The following LRP6 variants were observed in gnomAD, a reference collection of about 807,000 sequenced individuals.
LRP6 encodes the protein LDL receptor related protein 6, also known as low-density lipoprotein receptor-related protein 6.
In LRP6, 43 loss-of-function variants were observed where a neutral mutation model predicts 184.1. The observed-to-expected ratio is 0.23, with a 90% CI of 0.18 to 0.30. The LOEUF (loss-of-function observed/expected upper bound fraction) is 0.30, where lower values mean the gene tolerates loss of function less well. Among genes scored for constraint, LRP6 ranks in the 10% least tolerant of loss-of-function variants. The pLI is 1.00. For missense variants in LRP6, 1,571 were observed against 2,005.3 expected, an observed-to-expected ratio of 0.78 and a Z score of 4.14; for synonymous variants, 719 against 684.9, an observed-to-expected ratio of 1.05 and a Z score of -0.78.
At chr12:12,137,304 T>C (rs182649442) in intron 16 of LRP6, among the ~76,000 whole-genome samples, 1 of 152,274 alleles carries the variant, frequency 6.6e-6, no homozygotes, top group Non-Finnish European at 1.5e-5. Context: ...TTAAAAAACG[T>C]TTTGCATATA....
chr12:12,259,536 GAA>G (rs1306339556), intron 1 of LRP6, among the ~76,000 whole-genome samples: 27 of 152,004 alleles, frequency 1.8e-4, no homozygotes, highest in South Asian at 1.7e-3. Context: ...AATTTTCACC[GAA>G]GAGTCCAAGC....
intron 2 of LRP6, among the ~76,000 whole-genome samples, chr12:12,239,555 C>T (rs1429606578): frequency 6.6e-6 from 1 of 152,076 alleles, no homozygotes; most frequent in African/African-American, 2.4e-5. Flanking sequence ...CTTCCAAAAT[C>T]TTAAAGATTC....
At chr12:12,196,664 C>T (rs1863771147) in intron 3 of LRP6, among the ~76,000 whole-genome samples, 3 of 151,852 alleles carry the variant, frequency 2.0e-5, no homozygotes, top group Admixed American at 1.3e-4. Context: ...CGTTAAAGTA[C>T]CTAAGATATT....
chr12:12,201,561 C>T (rs1863914547), intron 3 of LRP6, among the ~76,000 whole-genome samples: 1 of 152,158 alleles, frequency 6.6e-6, no homozygotes, highest in Non-Finnish European at 1.5e-5. Flanking sequence ...ACAGTGATAA[C>T]ATGGAGGTCT....
At chr12:12,141,040 C>T (rs1591878313) in intron 15 of LRP6, among the ~76,000 whole-genome samples, 1 of 152,034 alleles carries the variant, frequency 6.6e-6, no homozygotes, top group African/African-American at 2.4e-5. Flanking sequence ...CAAAGGTTAT[C>T]TACAGAAAAA....
chr12:12,261,281 G>A (rs1770728049), intron 1 of LRP6, among the ~76,000 whole-genome samples: 1 of 151,904 alleles, frequency 6.6e-6, no homozygotes, highest in Admixed American at 6.6e-5. Flanking sequence ...TTAATCGGGC[G>A]TGGTGGCGGG....
At chr12:12,231,061 A>G (rs951630914) in intron 2 of LRP6, among the ~76,000 whole-genome samples, 5 of 151,526 alleles carry the variant, frequency 3.3e-5, no homozygotes, top group African/African-American at 1.2e-4. Context: ...GGCGCCTGTA[A>G]TCCCAGCTAC....
In LRP6 at chr12:12,121,230, C is replaced by T. The variant is rs748424070; in HGVS notation, c.4738G>A (p.Ala1580Thr). 6.2e-7 allele frequency: 1 copy of T among 1,614,126 alleles called. No individual in the cohort carries two copies. The highest frequency in any genetic ancestry group is 1.1e-5 in the South Asian group (1 of 91,076). The change falls in exon 23 of 23, where the codon GCA becomes ACA. Residue 1580 changes from alanine to threonine, a missense_variant. By Grantham distance (58) the Ala-to-Thr change is moderately conservative (BLOSUM62 0). Around this residue, in one of 4 missense-constraint regions of LRP6, gnomAD observed 763 missense variants for 859.5 expected, o/e 0.89. Transcript: ENST00000261349. ...GGGCAGCTTTCATAGTTCTCCTCTG[C>T]TGACAAGTATTGGCTTCGGGGTGTG... Reference protein sequence around the residue: ...PPTPRSQYLSAEENYESCPPS... With the variant: ...PPTPRSQYLSTEENYESCPPS...
intron 18 of LRP6, 123 bp downstream of exon 18, chr12:12,131,698 G>A (rs911312870): frequency 1.4e-5 from 11 of 799,562 alleles, no homozygotes; most frequent in Non-Finnish European, 2.0e-5. Context: ...ACTATGATCA[G>A]AAGTGATACA....
At chr12:12,134,083 G>C (rs1254182191) in intron 17 of LRP6, among the ~76,000 whole-genome samples, 1 of 152,042 alleles carries the variant, frequency 6.6e-6, no homozygotes, top group Non-Finnish European at 1.5e-5. Context: ...AGCTGCTACT[G>C]AATACATGCA....
intron 15 of LRP6, among the ~76,000 whole-genome samples, chr12:12,139,466 G>C (rs1949898497): frequency 6.6e-6 from 1 of 152,210 alleles, no homozygotes; most frequent in Admixed American, 6.5e-5. Flanking sequence ...GCACACACCT[G>C]TAATCTCAGT....
Position 12,116,088 on chromosome 12 carries a change from T to C in LRP6, c.*5038A>G, listed in dbSNP as rs955169420. ...CATTTGTTACAATTCAGCTTATTTA[T>C]TGTAATAATCAAAAAAGGGGTTTAT... On this transcript the variant is annotated 3_prime_UTR_variant, in exon 23 of 23. Coordinates refer to ENST00000261349, the MANE Select transcript of LRP6 (RefSeq NM_002336.3). 1.3e-5 allele frequency: 2 copies of C among 152,252 alleles called. No individual in the cohort carries two copies. The highest frequency in any genetic ancestry group is 4.8e-5 in the African/African-American group (2 of 41,468). The allele number at this position is 152,252 out of a possible 1,614,324, so 9.4% of individuals were successfully genotyped here. A position where few individuals can be genotyped will look rare whatever the true frequency, so the allele number is the denominator to read the frequency against.
chr12:12,202,273 T>C lies in LRP6; in HGVS notation c.647+930A>G, dbSNP rs57886271. ...AAATAAAGTTTTACACCAGGTGCTA[T>C]GGCTGATGCCTGTAATTCTAGCACT... is the stretch of plus-strand genomic sequence containing the variant. On this transcript the variant is annotated intron_variant, in intron 3 of 22. Transcript: ENST00000261349. Among the ~76,000 whole-genome samples, 1,249 of 152,382 alleles carry C rather than the reference T, an allele frequency of 8.2e-3. 9 individuals are homozygous for C. Among genetic ancestry groups the C allele is most frequent in the African/African-American group, 0.028 (1,182 of 41,590 alleles).
intron 12 of LRP6, among the ~76,000 whole-genome samples, chr12:12,157,030 G>A (rs961751976): frequency 5.3e-5 from 8 of 152,216 alleles, no homozygotes; most frequent in African/African-American, 1.9e-4. Context: ...GAGCTGGGCA[G>A]AGTTCAGCAG....
Position 12,162,291 on chromosome 12 carries a change from A to G in LRP6, c.2181T>C (p.Asn727=), listed in dbSNP as rs1260822764. The change falls in exon 10 of 23, where the codon AAT becomes AAC. Residue 727 remains asparagine, a synonymous_variant. Coordinates refer to ENST00000261349, the MANE Select transcript of LRP6 (RefSeq NM_002336.3). ...CATCCAACTTTGACACCTCAATTCG[A>G]TTCGTTCCTGTGTCTGCCCAGTACA... ...KNLYWADTGT[N]RIEVSKLDGQ... The G allele has an allele frequency of 9.3e-6, 15 of 1,614,038 alleles. No homozygotes were observed. Among genetic ancestry groups the G allele is most frequent in the Admixed American group, 1.7e-5 (1 of 60,000 alleles).
intron 1 of LRP6, among the ~76,000 whole-genome samples, chr12:12,265,083 A>G (rs911772024): frequency 6.6e-6 from 1 of 152,228 alleles, no homozygotes; most frequent in East Asian, 1.9e-4. Context: ...ACTCTAACCA[A>G]TCAGCTGGTT....
intron 3 of LRP6, among the ~76,000 whole-genome samples, chr12:12,190,395 G>A (rs1863582028): frequency 6.6e-6 from 1 of 152,158 alleles, no homozygotes; most frequent in Non-Finnish European, 1.5e-5. Flanking sequence ...CCAAACTGGG[G>A]ACCACAGAAA....
intron 2 of LRP6, among the ~76,000 whole-genome samples, chr12:12,241,919 TA>T (rs1865076720): frequency 6.6e-6 from 1 of 152,170 alleles, no homozygotes; most frequent in Non-Finnish European, 1.5e-5. Flanking sequence ...ACAGAAACTC[TA>T]AAGTATTTTT....
Position 12,121,202 on chromosome 12 carries a change from G to A in LRP6, c.4766C>T (p.Pro1589Leu). Residue 1589 changes from proline to leucine, a missense_variant, in exon 23 of 23, where the codon CCT becomes CTT. Physicochemically the swap from Pro to Leu is moderately conservative, Grantham distance 98. Transcript: ENST00000261349. ...ATAGCTCCTCTCTGTGTATGGAGAA[G>A]GTGGGCAGCTTTCATAGTTCTCCTC... is the stretch of plus-strand genomic sequence containing the variant. Reference protein sequence around the residue: ...SAEENYESCPPSPYTERSYSH... With the variant: ...SAEENYESCPLSPYTERSYSH... The A allele has an allele frequency of 1.2e-6, 2 of 1,614,148 alleles. No individual in the cohort carries two copies. The highest frequency in any genetic ancestry group is 2.2e-5 in the East Asian group (1 of 44,882).
Sources: allele counts gnomAD v4.1 joint callset (sites outside exome capture counted in the v4.1 genomes callset), GRCh38; gene constraint gnomAD v4.1.1; regional missense constraint gnomAD v4.1.1; transcripts MANE v1.5; gene names NCBI Gene and HGNC (gene_info 2026-07-23, HGNC 2026-07-21).